ALG14: variants seen among roughly 807,000 people sequenced by gnomAD.
ALG14 encodes the protein ALG14 UDP-N-acetylglucosaminyltransferase subunit.
Under a neutral mutation model 22.8 loss-of-function variants are expected in ALG14, and 17 were observed. The observed-to-expected ratio is 0.75, with a 90% CI of 0.51 to 1.12. ALG14 has a LOEUF of 1.12. Ranked by LOEUF, ALG14 falls within the 50% of genes most tolerant of loss-of-function variation. The pLI, the probability that ALG14 is intolerant of heterozygous loss-of-function variation, is 0.00. For synonymous variants in ALG14, 89 were observed against 103.7 expected (o/e 0.86, Z 0.86); for missense variants, 288 against 271.8 (o/e 1.06, Z -0.42).
intron 3 of ALG14, 139 bp downstream of exon 3, chr1:95,026,990 G>A: frequency 9.3e-7 from 1 of 1,073,824 alleles, no homozygotes; most frequent in Non-Finnish European, 1.3e-6. Flanking sequence ...CCAAGATCAA[G>A]GCACCAGCCA....
chr1:95,033,028 T>C (rs1674060989), intron 2 of ALG14, among the ~76,000 whole-genome samples: 1 of 152,208 alleles, frequency 6.6e-6, no homozygotes, highest in Non-Finnish European at 1.5e-5. Flanking sequence ...TCAGGCCTGC[T>C]ATGACCTTTG....
chr1:95,061,194 C>T (rs1002195583), intron 2 of ALG14, among the ~76,000 whole-genome samples: 1 of 152,134 alleles, frequency 6.6e-6, no homozygotes, highest in African/African-American at 2.4e-5. Flanking sequence ...TGAGAAAATA[C>T]ATTTCTGTTA....
intron 2 of ALG14, among the ~76,000 whole-genome samples, chr1:95,053,299 G>A (rs1444579743): frequency 6.6e-6 from 1 of 151,586 alleles, no homozygotes; most frequent in East Asian, 1.9e-4. Flanking sequence ...GCATTATTAG[G>A]GATAAAATGG....
At chr1:95,044,469 C>G (rs1674480720) in intron 2 of ALG14, among the ~76,000 whole-genome samples, 1 of 152,218 alleles carries the variant, frequency 6.6e-6, no homozygotes, top group Non-Finnish European at 1.5e-5. Context: ...CTTCCACTCA[C>G]TCTCCTCCAG....
chr1:95,039,217 G>A (rs866644745), intron 2 of ALG14, among the ~76,000 whole-genome samples: 2 of 152,146 alleles, frequency 1.3e-5, no homozygotes. Flanking sequence ...ATTTTGGTAC[G>A]TAAGAAGCAA....
intron 3 of ALG14, among the ~76,000 whole-genome samples, chr1:94,991,120 C>T (rs1207008735): frequency 6.6e-6 from 1 of 152,216 alleles, no homozygotes; most frequent in Admixed American, 6.5e-5. Context: ...TGAATTCATT[C>T]GTTCAACAAA....
At chr1:95,009,848 A>G (rs1166854800) in intron 3 of ALG14, among the ~76,000 whole-genome samples, 3 of 152,202 alleles carry the variant, frequency 2.0e-5, no homozygotes, top group Non-Finnish European at 4.4e-5. Context: ...AACTGTACCT[A>G]TGATTATATA....
At chr1:95,011,406 T>C (rs1406131956) in intron 3 of ALG14, among the ~76,000 whole-genome samples, 1 of 151,944 alleles carries the variant, frequency 6.6e-6, no homozygotes, top group Admixed American at 6.6e-5. Context: ...ACTCCAGGAC[T>C]GTGAGAAATA....
chr1:95,036,326 C>T (rs1202443259), intron 2 of ALG14, among the ~76,000 whole-genome samples: 1 of 152,034 alleles, frequency 6.6e-6, no homozygotes, highest in Non-Finnish European at 1.5e-5. Flanking sequence ...ACTTATTCTC[C>T]CTCCTGTCAC....
At chr1:95,064,762 G>T in intron 2 of ALG14, 104 bp downstream of exon 2, 1 of 954,596 alleles carries the variant, frequency 1.0e-6, no homozygotes, top group Non-Finnish European at 1.5e-6. Flanking sequence ...ACATTTGACT[G>T]CCCATTGTGG....
chr1:95,057,055 CAA>C (rs199574536), intron 2 of ALG14, among the ~76,000 whole-genome samples: 21 of 100,656 alleles, frequency 2.1e-4, no homozygotes, highest in African/African-American at 7.8e-4. Context: ...GATTCTGGCT[CAA>C]AAAAAAAAAA....
intron 3 of ALG14, 129 bp downstream of exon 3, chr1:95,027,000 A>G: frequency 9.5e-6 from 11 of 1,163,750 alleles, no homozygotes; most frequent in Non-Finnish European, 1.3e-5. Context: ...GGCACCAGCC[A>G]GTTCAGGGTC....
At chr1:95,009,773 G>T (rs1247600968) in intron 3 of ALG14, among the ~76,000 whole-genome samples, 2 of 152,180 alleles carry the variant, frequency 1.3e-5, no homozygotes, top group Admixed American at 1.3e-4. Context: ...ATGGTGGAAA[G>T]ACTGGTAATA....
At chr1:95,036,706 C>T (rs1222473328) in intron 2 of ALG14, among the ~76,000 whole-genome samples, 3 of 152,072 alleles carry the variant, frequency 2.0e-5, no homozygotes, top group Admixed American at 1.3e-4. Flanking sequence ...GGATTAAGGG[C>T]GTGAGCCACC....
intron 2 of ALG14, among the ~76,000 whole-genome samples, chr1:95,046,973 A>AAACCT (rs1553162977): frequency 2.8e-5 from 4 of 144,806 alleles, no homozygotes; most frequent in Non-Finnish European, 6.0e-5. Flanking sequence ...TCTCACAAAA[A>AAACCT]AACATAACAT....
chr1:95,018,457 AC>A (rs926433580), intron 3 of ALG14, among the ~76,000 whole-genome samples: 3 of 151,914 alleles, frequency 2.0e-5, no homozygotes, highest in Admixed American at 2.0e-4. Context: ...AATAGCTTGA[AC>A]CCAGGAGGCA....
rs376402008 is a variant in ALG14 at position 95,072,911 on chromosome 1, C to T, written c.-13G>A. On this transcript the variant is annotated 5_prime_UTR_variant, in exon 1 of 4. Coordinates refer to ENST00000370205, the MANE Select transcript of ALG14 (RefSeq NM_144988.4). ...GAACGCACACCATGCAGAGAAACGG[C>T]GCATGCGTCCAACTTCCGGGGACCA... is the stretch of plus-strand genomic sequence containing the variant. The T allele has an allele frequency of 2.4e-4, 381 of 1,613,336 alleles. 1 individual carries two copies. Among genetic ancestry groups the T allele is most frequent in the Non-Finnish European group, 3.0e-4 (354 of 1,179,858 alleles).
At chr1:95,064,354 G>A (rs918782780) in intron 2 of ALG14, among the ~76,000 whole-genome samples, 2 of 152,118 alleles carry the variant, frequency 1.3e-5, no homozygotes, top group East Asian at 1.9e-4. Context: ...TCTTTGTCTC[G>A]TGCTAATTTT....
chr1:95,043,549 T>C (rs1034246284), intron 2 of ALG14, among the ~76,000 whole-genome samples: 1 of 152,186 alleles, frequency 6.6e-6, no homozygotes, highest in African/African-American at 2.4e-5. Context: ...CTACCGCCTC[T>C]ACTGAGAACT....
Sources: allele counts gnomAD v4.1 joint callset (sites outside exome capture counted in the v4.1 genomes callset), GRCh38; gene constraint gnomAD v4.1.1; transcripts MANE v1.5; gene names NCBI Gene and HGNC (gene_info 2026-07-23, HGNC 2026-07-21).